The following SPIN1 variants were observed in gnomAD, a reference collection of about 807,000 sequenced individuals.
SPIN1 encodes spindlin-1.
Under a neutral mutation model 26.0 loss-of-function variants are expected in SPIN1, and 3 were observed. The ratio of observed to expected loss-of-function variants is 0.12; its 90% CI spans 0.05 to 0.30. SPIN1 has a LOEUF of 0.30. Among genes scored for constraint, SPIN1 ranks in the 10% least tolerant of loss-of-function variants. The probability of loss-of-function intolerance (pLI) is 1.00; values close to 1 mark genes in which losing one functional copy is unlikely to be tolerated. For missense variants in SPIN1, 126 were observed against 333.4 expected, an observed-to-expected ratio of 0.38 and a Z score of 4.84; for synonymous variants, 101 against 116.5, an observed-to-expected ratio of 0.87 and a Z score of 0.86.
chr9:88,391,373 T>C (rs1479092721), intron 1 of SPIN1: 2 of 172,600 alleles, frequency 1.2e-5, no homozygotes, highest in Admixed American at 1.1e-4. Flanking sequence ...TATGGTTGAA[T>C]TGGCTTGGTG....
chr9:88,468,871 GC>G (rs1205770903), intron 5 of SPIN1, among the ~76,000 whole-genome samples: 1 of 151,996 alleles, frequency 6.6e-6, no homozygotes, highest in Non-Finnish European at 1.5e-5. Flanking sequence ...ATTACTTCTT[GC>G]TTTTATTTAA....
intron 2 of SPIN1, among the ~76,000 whole-genome samples, chr9:88,448,428 T>A (rs1256220283): frequency 6.6e-6 from 1 of 152,168 alleles, no homozygotes; most frequent in African/African-American, 2.4e-5. Flanking sequence ...CACAGCTCAC[T>A]GCAACCTCGA....
intron 1 of SPIN1, among the ~76,000 whole-genome samples, chr9:88,417,453 GTTATTTATT>G (rs1161080248): frequency 6.6e-6 from 1 of 151,986 alleles, no homozygotes; most frequent in Non-Finnish European, 1.5e-5. Context: ...GCAAGTCCAG[GTTATTTATT>G]TTATTTATTT....
chr9:88,440,529 A>G lies in SPIN1; in HGVS notation c.53-8412A>G, dbSNP rs530496665. Among the ~76,000 whole-genome samples the G allele has an allele frequency of 4.4e-4, 67 of 151,626 alleles. 1 individual carries two copies. Among genetic ancestry groups the G allele is most frequent in the African/African-American group, 1.5e-3 (63 of 41,314 alleles). Reference sequence around the variant, plus strand: ...ATATATTTACAAGTAATCCAAGTCTACTTTCTTTCTTTTCTTTCTCTGTCT... The same window carrying G: ...ATATATTTACAAGTAATCCAAGTCTGCTTTCTTTCTTTTCTTTCTCTGTCT... On this transcript the variant is annotated intron_variant, in intron 2 of 5. Transcript: ENST00000375859.
rs549533619 is a variant in SPIN1 at position 88,390,627 on chromosome 9, T to G, written c.-159+2089T>G. ...TGTTGGATGCTTAATTCAATGTGTC[T>G]TCTTTCCCTTTCCATGAATGAAAAG... On this transcript the variant is annotated intron_variant, in intron 1 of 5. Transcript: ENST00000375859. 4.6e-5 allele frequency among the ~76,000 whole-genome samples: 7 copies of G among 152,362 alleles called. No individual in the cohort carries two copies. In the East Asian group the frequency reaches 5.8e-4, roughly 13 times the overall value.
chr9:88,442,688 A>T (rs1828161869), intron 2 of SPIN1, among the ~76,000 whole-genome samples: 1 of 148,830 alleles, frequency 6.7e-6, no homozygotes, highest in African/African-American at 2.5e-5. Context: ...CCTGGTGAAG[A>T]TTTTTTTTTT....
intron 1 of SPIN1, among the ~76,000 whole-genome samples, chr9:88,417,283 A>G (rs1175244543): frequency 6.6e-6 from 1 of 152,066 alleles, no homozygotes; most frequent in Non-Finnish European, 1.5e-5. Context: ...TACTCAGCAC[A>G]ACACTTCTGT....
intron 1 of SPIN1, among the ~76,000 whole-genome samples, chr9:88,395,939 C>T (rs1477707546): frequency 3.3e-5 from 5 of 151,962 alleles, no homozygotes; most frequent in Admixed American, 6.6e-5. Flanking sequence ...CCCAGCTACT[C>T]GGGAGGCTGA....
At chr9:88,467,225 G>A (rs1032287553) in intron 4 of SPIN1, among the ~76,000 whole-genome samples, 15 of 152,096 alleles carry the variant, frequency 9.9e-5, no homozygotes, top group East Asian at 3.8e-4. Flanking sequence ...GGCTAGGACC[G>A]TTAATCTATC....
chr9:88,434,407 T>A (rs1017461865), intron 2 of SPIN1, among the ~76,000 whole-genome samples: 1 of 128,766 alleles, frequency 7.8e-6, no homozygotes, highest in African/African-American at 3.9e-5. Context: ...TTTTATAAAT[T>A]CATTTTATAA....
chr9:88,393,445 GTTTT>G (rs57244433), intron 1 of SPIN1, among the ~76,000 whole-genome samples: 157 of 88,372 alleles, frequency 1.8e-3, no homozygotes, highest in Middle Eastern at 8.3e-3. Flanking sequence ...TTGCTTTTGG[GTTTT>G]TTTTTTTTTT....
At chr9:88,443,965 G>C (rs981084430) in intron 2 of SPIN1, among the ~76,000 whole-genome samples, 3 of 151,746 alleles carry the variant, frequency 2.0e-5, no homozygotes, top group Non-Finnish European at 4.4e-5. Flanking sequence ...TGCAGTTTAG[G>C]TTTTCTTACC....
Position 88,443,447 on chromosome 9 carries a change from A to G in SPIN1, c.53-5494A>G, listed in dbSNP as rs187587046. The stretch of plus-strand genomic sequence containing the variant: ...CCATCTCTGTATATATTGTCCATCT[A>G]TTCTTTCATGTTGTCTGTATTACTC... On this transcript the variant is annotated intron_variant, in intron 2 of 5. Transcript: ENST00000375859. Among the ~76,000 whole-genome samples the G allele has an allele frequency of 1.7e-3, 260 of 152,208 alleles. 1 individual carries two copies. Among genetic ancestry groups the G allele is most frequent in the South Asian group, 6.2e-3 (30 of 4,826 alleles).
chr9:88,413,833 C>T (rs907173392), intron 1 of SPIN1, among the ~76,000 whole-genome samples: 9 of 152,060 alleles, frequency 5.9e-5, no homozygotes, highest in African/African-American at 9.7e-5. Context: ...CGATACAGTT[C>T]GACTTAGATC....
chr9:88,398,685 C>T (rs1452222382), intron 1 of SPIN1, among the ~76,000 whole-genome samples: 2 of 151,930 alleles, frequency 1.3e-5, no homozygotes, highest in Non-Finnish European at 2.9e-5. Flanking sequence ...AAGCAATTCT[C>T]CTGCCTCAGC....
chr9:88,403,878 T>A lies in SPIN1; in HGVS notation c.-159+15340T>A, dbSNP rs1827240358. On this transcript the variant is annotated intron_variant, in intron 1 of 5. Transcript: ENST00000375859. Reference sequence around the variant, plus strand: ...TTTTACCCTTTAATTTCAGTCTTACTTATTTTTCCAGCATGTGTTGCTTAA... The same window carrying A: ...TTTTACCCTTTAATTTCAGTCTTACATATTTTTCCAGCATGTGTTGCTTAA... 3.3e-5 allele frequency among the ~76,000 whole-genome samples: 5 copies of A among 152,362 alleles called. No individual in the cohort carries two copies. In the South Asian group the frequency reaches 8.3e-4, roughly 25 times the overall value.
intron 1 of SPIN1, among the ~76,000 whole-genome samples, chr9:88,406,185 T>C (rs564703836): frequency 6.6e-6 from 1 of 152,170 alleles, no homozygotes; most frequent in East Asian, 1.9e-4. Context: ...TATAATATTA[T>C]GGGACTACCA....
chr9:88,424,803 A>G (rs1339420463), intron 1 of SPIN1, among the ~76,000 whole-genome samples: 3 of 152,162 alleles, frequency 2.0e-5, no homozygotes, highest in African/African-American at 7.2e-5. Context: ...TAGGGTGTGT[A>G]AGAGCCAGGC....
intron 1 of SPIN1, among the ~76,000 whole-genome samples, chr9:88,397,247 C>T (rs1386424245): frequency 6.6e-6 from 1 of 152,064 alleles, no homozygotes; most frequent in Non-Finnish European, 1.5e-5. Context: ...CTTAAAACAG[C>T]CTCATAATAT....
Sources: allele counts gnomAD v4.1 joint callset (sites outside exome capture counted in the v4.1 genomes callset), GRCh38; gene constraint gnomAD v4.1.1; transcripts MANE v1.5; gene names NCBI Gene and HGNC (gene_info 2026-07-23, HGNC 2026-07-21).